ABCA4: variants seen among roughly 807,000 people sequenced by gnomAD.
ABCA4 encodes the protein retinal-specific phospholipid-transporting ATPase ABCA4.
In ABCA4, 196 loss-of-function variants were observed where a neutral mutation model predicts 263.7. The ratio of observed to expected loss-of-function variants is 0.74; its 90% confidence interval spans 0.66 to 0.84. The LOEUF (loss-of-function observed/expected upper bound fraction) is 0.84. ABCA4 is among the 40% of genes least tolerant of loss of function. ABCA4 has a pLI of 0.00. For synonymous variants in ABCA4, 1,133 were observed against 1,094.2 expected (o/e 1.04, Z -0.70); for missense variants, 2,792 against 2,855.1 (o/e 0.98, Z 0.50).
At chr1:94,120,887 GCCCCACCACCCTACCCCACCACCCCA>G in intron 1 of ABCA4, 67 bp downstream of exon 1, 5 of 339,318 alleles carry the variant, frequency 1.5e-5, no homozygotes, top group Non-Finnish European at 2.7e-5. Flanking sequence ...CCCCCACCCT[GCCCCACCACCCTACCCCACCACCCCA>G]CCCCACACTT....
intron 32 of ABCA4, 56 bp from the exon 33 acceptor site, chr1:94,022,007 T>G: frequency 7.0e-7 from 1 of 1,430,934 alleles, no homozygotes; most frequent in African/African-American, 1.4e-5. Context: ...CGCCTACTAG[T>G]AGCTCTCTCG....
At chr1:94,052,682 T>C (rs1450238015) in intron 16 of ABCA4, among the ~76,000 whole-genome samples, 1 of 152,218 alleles carries the variant, frequency 6.6e-6, no homozygotes, top group Non-Finnish European at 1.5e-5. Flanking sequence ...AGTTCAAATG[T>C]CTTGTTCAAA....
At chr1:94,084,183 C>T (rs1661776134) in intron 6 of ABCA4, among the ~76,000 whole-genome samples, 1 of 152,222 alleles carries the variant, frequency 6.6e-6, no homozygotes, top group South Asian at 2.1e-4. Flanking sequence ...TGTTTGACTT[C>T]ATGCTTCATG....
Position 94,030,476 on chromosome 1 carries a change from A to G in ABCA4, c.4304T>C (p.Leu1435Pro). Residue 1435 changes from leucine to proline, a missense_variant, in exon 29 of 50, where the codon CTG becomes CCG. Leu to Pro is a moderately conservative substitution (Grantham distance 98). Coordinates refer to ENST00000370225, the MANE Select transcript of ABCA4 (RefSeq NM_000350.3). ...EQFTVLADVL[L>P]NKPGFGNRCL... is the part of the protein sequence containing the mutation. The stretch of plus-strand genomic sequence containing the variant: ...GCGGTTGCCAAAGCCTGGCTTATTC[A>G]GGAGGACGTCTGCAAGTACCGTGAA... 1 of 1,614,240 alleles carries G rather than the reference A, an allele frequency of 6.2e-7. No individual in the cohort carries two copies. Among genetic ancestry groups the G allele is most frequent in the Non-Finnish European group, 8.5e-7 (1 of 1,180,054 alleles).
intron 37 of ABCA4, among the ~76,000 whole-genome samples, chr1:94,015,472 C>T (rs1277996858): frequency 1.3e-5 from 2 of 152,132 alleles, no homozygotes; most frequent in African/African-American, 4.8e-5. Context: ...GTCAAGGCCT[C>T]AGTTTGAGTA....
Position 94,096,358 on chromosome 1 carries a change from C to T in ABCA4, c.768+2436G>A, listed in dbSNP as rs940038776. Among the ~76,000 whole-genome samples the T allele has an allele frequency of 4.6e-5, 7 of 152,296 alleles. No individual in the cohort carries two copies. In the East Asian group the frequency reaches 5.8e-4, roughly 13 times the overall value. On this transcript the variant is annotated intron_variant, in intron 6 of 49. Transcript: ENST00000370225. Reference sequence around the variant, plus strand: ...TGGTGTTGGCCCTTTCTAGGCTGCACTGCTGTGAAATGTCCTGTTTGCTTG... The same window carrying T: ...TGGTGTTGGCCCTTTCTAGGCTGCATTGCTGTGAAATGTCCTGTTTGCTTG...
At chr1:94,096,880 C>T (rs1662135198) in intron 6 of ABCA4, among the ~76,000 whole-genome samples, 1 of 152,174 alleles carries the variant, frequency 6.6e-6, no homozygotes. Context: ...GCCCTGCCTG[C>T]AAAGCCCAGG....
Position 94,024,939 on chromosome 1 carries a change from AG to A in ABCA4, c.4634+14del, listed in dbSNP as rs1557770114. On this transcript the variant is annotated intron_variant, in intron 31 of 49. Transcript: ENST00000370225. Reference sequence around the variant, plus strand: ...AGGGAGCCAGGATAAAAAGCATAAAAGGATTTCTTCTTACCTGCTTCTTATA... The same window carrying A: ...AGGGAGCCAGGATAAAAAGCATAAAAGATTTCTTCTTACCTGCTTCTTATA... The A allele has an allele frequency of 1.2e-6, 2 of 1,604,264 alleles. No individual in the cohort carries two copies. Among genetic ancestry groups the A allele is most frequent in the Admixed American group, 1.7e-5 (1 of 60,022 alleles).
In ABCA4 at chr1:94,075,944, G is replaced by A. The variant is rs527924702; in HGVS notation, c.1554+1746C>T. On this transcript the variant is annotated intron_variant, in intron 11 of 49. Coordinates refer to ENST00000370225, the MANE Select transcript of ABCA4 (RefSeq NM_000350.3). Reference sequence around the variant, plus strand: ...TGAGAGAGGTGTGAAGAGAGGGCCAGGAAGCACAGAGGAGTGAATGACTAA... The same window carrying A: ...TGAGAGAGGTGTGAAGAGAGGGCCAAGAAGCACAGAGGAGTGAATGACTAA... Among the ~76,000 whole-genome samples the A allele has an allele frequency of 2.4e-4, 36 of 152,332 alleles. No homozygotes were observed. The South Asian group carries it at 6.8e-3, about 29-fold the overall frequency.
At chr1:94,067,975 T>A (rs1171977837) in intron 11 of ABCA4, among the ~76,000 whole-genome samples, 1 of 152,192 alleles carries the variant, frequency 6.6e-6, no homozygotes, top group East Asian at 1.9e-4. Flanking sequence ...TTTTGCAAAA[T>A]ATCTTGAAAG....
At chr1:94,081,829 G>C (rs543138820) in intron 7 of ABCA4, among the ~76,000 whole-genome samples, 2 of 152,346 alleles carry the variant, frequency 1.3e-5, no homozygotes, top group East Asian at 3.9e-4. Context: ...GGCTGGTGGA[G>C]CTGCCAGTAG....
intron 26 of ABCA4, among the ~76,000 whole-genome samples, chr1:94,034,203 C>T (rs1402492658): frequency 1.3e-5 from 2 of 152,188 alleles, no homozygotes; most frequent in African/African-American, 4.8e-5. Flanking sequence ...CTGACCCAAT[C>T]ATTACCTCCT....
chr1:94,041,817 C>T (rs981692330), intron 22 of ABCA4, among the ~76,000 whole-genome samples: 5 of 152,240 alleles, frequency 3.3e-5, no homozygotes, highest in South Asian at 2.1e-4. Flanking sequence ...AACAGCAGGC[C>T]GGGCACGGTG....
chr1:94,046,076 A>G (rs1443922647), intron 19 of ABCA4: 2 of 388,506 alleles, frequency 5.1e-6, no homozygotes, highest in Non-Finnish European at 1.0e-5. Context: ...TTTCTCCAGA[A>G]CGACCACTAA....
Position 94,013,469 on chromosome 1 carries a change from G to A in ABCA4, c.5460+1074C>T, listed in dbSNP as rs113388192. On this transcript the variant is annotated intron_variant, in intron 38 of 49. Coordinates refer to ENST00000370225, the MANE Select transcript of ABCA4 (RefSeq NM_000350.3). Reference sequence around the variant, plus strand: ...GGGCAGCAGTGCAGATGTGCTGGCCGGTCCCACCCTCTGAACTGGGAAGAG... The same window carrying A: ...GGGCAGCAGTGCAGATGTGCTGGCCAGTCCCACCCTCTGAACTGGGAAGAG... 4.2e-3 allele frequency among the ~76,000 whole-genome samples: 642 copies of A among 152,218 alleles called. 6 individuals are homozygous for A. The highest frequency in any genetic ancestry group is 0.014 in the African/African-American group (590 of 41,540).
chr1:94,086,751 C>T (rs918381326), intron 6 of ABCA4, among the ~76,000 whole-genome samples: 1 of 152,138 alleles, frequency 6.6e-6, no homozygotes, highest in Non-Finnish European at 1.5e-5. Context: ...CACATTTTTA[C>T]CATAGTTTGC....
At position 94,014,705 on chromosome 1, in the gene ABCA4, A is replaced by G. The variant is rs369195320; in HGVS notation, c.5313-15T>C. ...TGACCGCCCATCTGTGTGAAATGAGACAACTCAGAGTGATGGAGTTCCACA... is the reference window on the plus strand; with the variant it reads ...TGACCGCCCATCTGTGTGAAATGAGGCAACTCAGAGTGATGGAGTTCCACA... On this transcript the variant is annotated splice_polypyrimidine_tract_variant and intron_variant, in intron 37 of 49. Coordinates refer to ENST00000370225, the MANE Select transcript of ABCA4 (RefSeq NM_000350.3). 1.2e-5 allele frequency: 19 copies of G among 1,613,988 alleles called. No homozygotes were observed. Among genetic ancestry groups the G allele is most frequent in the Non-Finnish European group, 1.1e-5 (13 of 1,180,002 alleles).
intron 13 of ABCA4, 64 bp downstream of exon 13, chr1:94,062,513 C>T (rs1661154361): frequency 2.6e-6 from 4 of 1,532,936 alleles, no homozygotes; most frequent in East Asian, 2.3e-5. Context: ...CCCCAGCCCA[C>T]CCCAGCCCAC....
intron 11 of ABCA4, among the ~76,000 whole-genome samples, chr1:94,070,980 G>A (rs1661383732): frequency 6.6e-6 from 1 of 152,236 alleles, no homozygotes; most frequent in South Asian, 2.1e-4. Flanking sequence ...CTGGCAAACA[G>A]CTAAGAGAGA....
Sources: allele counts gnomAD v4.1 joint callset (sites outside exome capture counted in the v4.1 genomes callset), GRCh38; gene constraint gnomAD v4.1.1; transcripts MANE v1.5; gene names NCBI Gene and HGNC (gene_info 2026-07-23, HGNC 2026-07-21).